Variants in ITIH6 observed in about 807,000 individuals in gnomAD.
ITIH6 encodes the protein inter-alpha-trypsin inhibitor heavy chain H6.
In ITIH6, 60 loss-of-function variants were observed where a neutral mutation model predicts 58.2. That is an observed-to-expected ratio of 1.03 (90% CI 0.84 to 1.28). The LOEUF (loss-of-function observed/expected upper bound fraction) is 1.28, where lower values mean the gene tolerates loss of function less well. ITIH6 is among the 50% of genes most tolerant of loss of function. The pLI is 0.00. For synonymous variants in ITIH6, 493 were observed against 417.4 expected (o/e 1.18, Z -2.21); for missense variants, 1,290 against 1,021.1 (o/e 1.26, Z -3.59).
At chrX:54,778,236 C>G (rs1337355343) in intron 5 of ITIH6, among the ~76,000 whole-genome samples, 2 of 107,046 alleles carry the variant, frequency 1.9e-5, no homozygotes, top group African/African-American at 6.9e-5. Context: ...CCTCCGTCAC[C>G]CAGGCTGGAG....
In ITIH6 at chrX:54,757,495, G is replaced by A; in HGVS notation, c.2579C>T (p.Ala860Val). 8.3e-7 allele frequency: 1 copy of A among 1,210,948 alleles called. No homozygotes were observed. The highest frequency in any genetic ancestry group is 1.1e-6 in the Non-Finnish European group (1 of 895,196). The change falls in exon 8 of 13, where the codon GCC becomes GTC. Residue 860 changes from alanine (A) to valine (V), a missense_variant. By Grantham distance (64) the Ala-to-Val change is moderately conservative. Coordinates refer to ENST00000218436, the MANE Select transcript of ITIH6 (RefSeq NM_198510.3). ...PKILLSLKPSAPPHQISTSIS... is the reference protein window; with the variant it reads ...PKILLSLKPSVPPHQISTSIS... ...GCTTGTGGAAATTTGGTGTGGTGGG[G>A]CACTCGGTTTAAGAGATAATAAGAT...
At chrX:54,794,003 T>A (rs960606572) in intron 2 of ITIH6, among the ~76,000 whole-genome samples, 10 of 111,090 alleles carry the variant, frequency 9.0e-5, no homozygotes, top group African/African-American at 3.3e-4. Flanking sequence ...ACAAGTGGAG[T>A]AACTGAGGCA....
chrX:54,785,376 T>C (rs1342025569), intron 5 of ITIH6, among the ~76,000 whole-genome samples: 1 of 111,588 alleles, frequency 9.0e-6, no homozygotes, highest in Non-Finnish European at 1.9e-5. Context: ...ATTAAGTGGA[T>C]TGTTTGTAAC....
intron 5 of ITIH6, among the ~76,000 whole-genome samples, chrX:54,775,868 G>A (rs1443588743): frequency 8.9e-6 from 1 of 111,750 alleles, no homozygotes; most frequent in Non-Finnish European, 1.9e-5. Context: ...GATGGGTGAA[G>A]CAAGATGGTG....
intron 11 of ITIH6, 115 bp downstream of exon 11, chrX:54,753,536 G>T: frequency 2.0e-6 from 1 of 499,328 alleles, no homozygotes; most frequent in Non-Finnish European, 3.5e-6. Flanking sequence ...GTGTTACCGT[G>T]TGTTAGTGAG....
At chrX:54,755,920 C>A (rs979297751) in intron 8 of ITIH6, among the ~76,000 whole-genome samples, 6 of 110,920 alleles carry the variant, frequency 5.4e-5, no homozygotes, top group African/African-American at 2.0e-4. Flanking sequence ...TTAAAGGATC[C>A]CTTTGGCTGC....
At chrX:54,765,818 G>A (rs1217716299) in intron 6 of ITIH6, among the ~76,000 whole-genome samples, 1 of 109,492 alleles carries the variant, frequency 9.1e-6, no homozygotes, top group Non-Finnish European at 1.9e-5. Context: ...TTTGAAGTCA[G>A]GTAGTGTGAT....
chrX:54,753,690 G>C lies in ITIH6; in HGVS notation c.3313C>G (p.Pro1105Ala). ...EKICFTLNGH[P>A]GDLLQLIEDP... ...TCTATGAGCTGCAGCAAGTCCCCAG[G>C]GTGCCCATTCAGTGTGAAGCAGATC... The change falls in exon 11 of 13, where the codon CCT (proline) becomes GCT (alanine). Residue 1105 changes from proline to alanine, a missense_variant. By Grantham distance (27) the Pro-to-Ala change is conservative. Coordinates refer to ENST00000218436, the MANE Select transcript of ITIH6 (RefSeq NM_198510.3). 8.3e-7 allele frequency: 1 copy of C among 1,211,118 alleles called. No individual in the cohort carries two copies. Among genetic ancestry groups the C allele is most frequent in the Non-Finnish European group, 1.1e-6 (1 of 895,211 alleles).
intron 8 of ITIH6, among the ~76,000 whole-genome samples, chrX:54,756,517 T>C (rs1928487619): frequency 9.0e-6 from 1 of 111,527 alleles, no homozygotes; most frequent in African/African-American, 3.3e-5. Flanking sequence ...TTTTTGGAAA[T>C]TAAAGATAAT....
chrX:54,762,525 C>T (rs1602054187), intron 6 of ITIH6, among the ~76,000 whole-genome samples: 1 of 111,735 alleles, frequency 8.9e-6, no homozygotes, highest in East Asian at 2.8e-4. Flanking sequence ...AGTTTAACTC[C>T]ATAAACCTTG....
Position 54,757,222 on chromosome X carries a change from TG to T in ITIH6, c.2851del (p.Gln951ArgfsTer17), listed in dbSNP as rs1353589381. 2.5e-6 allele frequency: 3 copies of T among 1,198,101 alleles called. No homozygotes were observed. Among genetic ancestry groups the T allele is most frequent in the Non-Finnish European group, 3.4e-6 (3 of 887,861 alleles). ...TGGTCCCAGAACTTGCCTGGTCCTCTGGGGACCCGGGAGGAGGTCATACTGA... is the reference window on the plus strand; with the variant it reads ...TGGTCCCAGAACTTGCCTGGTCCTCTGGGACCCGGGAGGAGGTCATACTGA... Reference protein sequence around the residue: ...WHQYDLLPGPQRTRQVLGPSR... With the variant: ...WHQYDLLPGPXRTRQVLGPSR... On this transcript the variant is annotated frameshift_variant, in exon 8 of 13. Transcript: ENST00000218436. LOFTEE classifies it high-confidence loss of function.
intron 5 of ITIH6, 103 bp downstream of exon 5, chrX:54,788,377 G>T: frequency 1.4e-6 from 1 of 706,651 alleles, no homozygotes; most frequent in Non-Finnish European, 2.1e-6. Flanking sequence ...CCTAGCCCTT[G>T]CTTATCTCTA....
Position 54,759,920 on chromosome X carries a change from G to A in ITIH6, c.911C>T (p.Thr304Met), listed in dbSNP as rs1482033206. The change falls in exon 7 of 13, where the codon ACG (threonine) becomes ATG (methionine). Residue 304 changes from threonine (T) to methionine (M), a missense_variant. Physicochemically the swap from Thr to Met is moderately conservative, Grantham distance 81 (BLOSUM62 -1). Transcript: ENST00000218436. ...GTCACTGAGGATCACATTCATGGCC[G>A]TTTTAGTCTGTGGGATATGGATGAA... Reference protein sequence around the residue: ...MFGTKMEQTKTAMNVILSDLQ... With the variant: ...MFGTKMEQTKMAMNVILSDLQ... The A allele has an allele frequency of 9.2e-6, 11 of 1,201,781 alleles. No individual in the cohort carries two copies. The highest frequency in any genetic ancestry group is 5.2e-5 in the African/African-American group (3 of 57,155).
chrX:54,770,207 A>C (rs1928917656), intron 6 of ITIH6, among the ~76,000 whole-genome samples: 1 of 112,787 alleles, frequency 8.9e-6, no homozygotes, highest in African/African-American at 3.2e-5. Context: ...TGCGCTTCCC[A>C]GGTGAGGCAA....
chrX:54,760,720 G>C (rs1330907099), intron 6 of ITIH6, among the ~76,000 whole-genome samples: 1 of 111,244 alleles, frequency 9.0e-6, no homozygotes, highest in Non-Finnish European at 1.9e-5. Context: ...AGTTAGCTGA[G>C]AATGATGGTT....
intron 9 of ITIH6, 128 bp from the exon 10 acceptor site, chrX:54,754,093 C>T: frequency 1.6e-6 from 1 of 606,359 alleles, no homozygotes; most frequent in African/African-American, 2.2e-5. Flanking sequence ...GAAATCTAGT[C>T]CCTGCCTAGC....
intron 2 of ITIH6, among the ~76,000 whole-genome samples, chrX:54,792,709 C>T (rs951498555): frequency 5.4e-5 from 6 of 111,266 alleles, no homozygotes; most frequent in African/African-American, 2.0e-4. Flanking sequence ...GACTTGCTTA[C>T]CCCCATTCTC....
Position 54,759,928 on chromosome X carries a change from C to A in ITIH6, c.904-1G>T, listed in dbSNP as rs1038455318. 1 of 1,201,913 alleles carries A rather than the reference C, an allele frequency of 8.3e-7. No homozygotes were observed. Among genetic ancestry groups the A allele is most frequent in the East Asian group, 3.0e-5 (1 of 33,781 alleles). On this transcript the variant is annotated splice_acceptor_variant, in intron 6 of 12. Coordinates refer to ENST00000218436, the MANE Select transcript of ITIH6 (RefSeq NM_198510.3). LOFTEE classifies it high-confidence loss of function. Reference sequence around the variant, plus strand: ...GGATCACATTCATGGCCGTTTTAGTCTGTGGGATATGGATGAAATGAAGAG... The same window carrying A: ...GGATCACATTCATGGCCGTTTTAGTATGTGGGATATGGATGAAATGAAGAG...
rs141073311 is a variant in ITIH6 at position 54,753,759 on chromosome X, C to T, written c.3244G>A (p.Gly1082Arg). The T allele has an allele frequency of 8.4e-6, 10 of 1,195,363 alleles. No individual in the cohort carries two copies. The highest frequency in any genetic ancestry group is 5.3e-5 in the African/African-American group (3 of 56,486). ...ATTTGGATCACAAAGTGGGGGTCCC[C>T]GTCCACTGCAAGGCAGAAGATACAA... is the stretch of plus-strand genomic sequence containing the variant. ...SIFTFSSSVD[G>R]DPHFVIQIPH... The change falls in exon 11 of 13, where the codon GGG (glycine) becomes AGG (arginine). Residue 1082 changes from glycine (G) to arginine (R), a missense_variant. By Grantham distance (125) the Gly-to-Arg change is moderately radical (BLOSUM62 -2). Coordinates refer to ENST00000218436, the MANE Select transcript of ITIH6 (RefSeq NM_198510.3).
Sources: gnomAD v4.1 joint callset for allele counts (sites outside exome capture counted in the v4.1 genomes callset) on GRCh38, gnomAD v4.1.1 for gene constraint, MANE v1.5 for transcripts, NCBI Gene and HGNC (gene_info 2026-07-23, HGNC 2026-07-21) for gene names.